The following CTDSPL variants were observed in gnomAD, a reference collection of about 807,000 sequenced individuals.
CTDSPL encodes CTD small phosphatase-like protein.
A neutral mutation model predicts 30.5 loss-of-function variants in CTDSPL; 8 were observed. That is an observed-to-expected ratio of 0.26 (90% CI 0.15 to 0.47). The LOEUF is 0.47. Ranked by LOEUF, CTDSPL falls within the 20% of genes least tolerant of loss-of-function variation. The pLI, the probability that CTDSPL is intolerant of heterozygous loss-of-function variation, is 0.99. For missense variants in CTDSPL, 248 were observed against 366.1 expected, an observed-to-expected ratio of 0.68 and a Z score of 2.63; for synonymous variants, 110 against 137.9, an observed-to-expected ratio of 0.80 and a Z score of 1.42.
At chr3:37,924,895 C>T (rs529548903) in intron 1 of CTDSPL, among the ~76,000 whole-genome samples, 95 of 152,124 alleles carry the variant, frequency 6.2e-4, no homozygotes, top group Non-Finnish European at 1.1e-3. Flanking sequence ...CTTCATACAC[C>T]ACCAGACAGG....
intron 1 of CTDSPL, among the ~76,000 whole-genome samples, chr3:37,945,586 G>A (rs891293542): frequency 1.3e-5 from 2 of 152,220 alleles, no homozygotes; most frequent in African/African-American, 2.4e-5. Flanking sequence ...GGTCCCAATG[G>A]CCTGGTCTGG....
intron 1 of CTDSPL, among the ~76,000 whole-genome samples, chr3:37,890,162 CAT>C (rs1328890301): frequency 6.6e-6 from 1 of 152,198 alleles, no homozygotes; most frequent in African/African-American, 2.4e-5. Flanking sequence ...GAAAATCACA[CAT>C]GTGCGGATGC....
In CTDSPL at chr3:37,980,825, G is replaced by T. The variant is rs116504860; in HGVS notation, c.789G>T (p.Glu263Asp). The stretch of plus-strand genomic sequence containing the variant: ...CCTTCTTTGAGGGCCTGAGCCGGGA[G>T]GACGACGTGTACAGCATGCTGCACA... The part of the protein sequence containing the change: ...LIPFFEGLSR[E>D]DDVYSMLHRL... The change falls in exon 8 of 8, where the codon GAG (glutamate) becomes GAT (aspartate). Residue 263 changes from glutamate to aspartate, a missense_variant. Glu to Asp is a conservative substitution (Grantham distance 45, BLOSUM62 2). Coordinates refer to ENST00000273179, the MANE Select transcript of CTDSPL (RefSeq NM_001008392.2). 1.9e-6 allele frequency: 3 copies of T among 1,614,180 alleles called. No homozygotes were observed. Among genetic ancestry groups the T allele is most frequent in the Non-Finnish European group, 2.5e-6 (3 of 1,180,034 alleles).
intron 2 of CTDSPL, among the ~76,000 whole-genome samples, chr3:37,954,102 A>G (rs1055601070): frequency 1.3e-5 from 2 of 152,234 alleles, no homozygotes; most frequent in Non-Finnish European, 2.9e-5. Context: ...TAAGGAAGAC[A>G]GCTTGGTATC....
At chr3:37,977,146 C>G (rs1699438056) in intron 7 of CTDSPL, among the ~76,000 whole-genome samples, 1 of 152,176 alleles carries the variant, frequency 6.6e-6, no homozygotes, top group Non-Finnish European at 1.5e-5. Flanking sequence ...TCAAATTCAA[C>G]ATAATATATT....
chr3:37,956,758 A>C (rs923339607), intron 2 of CTDSPL, among the ~76,000 whole-genome samples: 1 of 152,208 alleles, frequency 6.6e-6, no homozygotes, highest in Non-Finnish European at 1.5e-5. Flanking sequence ...TAAAAGAAAA[A>C]ACAAACAGTT....
chr3:37,971,511 TTCCCAGCCCCACAC>T lies in CTDSPL; in HGVS notation c.519+21_519+34del. On this transcript the variant is annotated intron_variant, in intron 6 of 7. Coordinates refer to ENST00000273179, the MANE Select transcript of CTDSPL (RefSeq NM_001008392.2). ...CCAGCTTGGCCAAGGTGAGTCCTGC[TTCCCAGCCCCACAC>T]TCCCAGCCTGGTACTCCCAGCCCCT... is the stretch of plus-strand genomic sequence containing the variant. 3 of 1,612,192 alleles carry T rather than the reference TTCCCAGCCCCACAC, an allele frequency of 1.9e-6. No homozygotes were observed. The highest frequency in any genetic ancestry group is 1.7e-6 in the Non-Finnish European group (2 of 1,178,624).
chr3:37,864,918 T>C (rs946201928), intron 1 of CTDSPL, among the ~76,000 whole-genome samples: 4 of 152,164 alleles, frequency 2.6e-5, no homozygotes, highest in African/African-American at 7.2e-5. Flanking sequence ...TAGTAATGAC[T>C]ACCTCTGGGG....
At chr3:37,890,974 A>T (rs1426312100) in intron 1 of CTDSPL, among the ~76,000 whole-genome samples, 1 of 152,208 alleles carries the variant, frequency 6.6e-6, no homozygotes, top group Non-Finnish European at 1.5e-5. Context: ...TATGGCATCA[A>T]ATGACAATTC....
At chr3:37,933,191 T>C in intron 1 of CTDSPL, among the ~76,000 whole-genome samples, 1 of 151,542 alleles carries the variant, frequency 6.6e-6, no homozygotes, top group Non-Finnish European at 1.5e-5. Context: ...TGTTCACTGA[T>C]GCTCAGTGCA....
chr3:37,975,438 C>T lies in CTDSPL; in HGVS notation c.520-271C>T, dbSNP rs1439756048. On this transcript the variant is annotated intron_variant, in intron 6 of 7. Transcript: ENST00000273179. The surrounding 1 kb of genome is among the most constrained non-coding windows in gnomAD (Gnocchi z 4.9). ...CATCCCAGGCCAGAGATTCGAGGCC[C>T]AGGCTAAGGGTGGTGGCAATATAAA... Among the ~76,000 whole-genome samples the T allele has an allele frequency of 6.6e-6, 1 of 152,146 alleles. No individual in the cohort carries two copies. The highest frequency in any genetic ancestry group is 2.4e-5 in the African/African-American group (1 of 41,416).
intron 1 of CTDSPL, among the ~76,000 whole-genome samples, chr3:37,933,234 TA>T (rs1426194329): frequency 6.6e-6 from 1 of 151,812 alleles, no homozygotes; most frequent in Non-Finnish European, 1.5e-5. Context: ...TAATGCATGA[TA>T]CAGAATTATT....
Position 37,881,144 on chromosome 3 carries a change from A to G in CTDSPL, c.79+18866A>G, listed in dbSNP as rs149370088. On this transcript the variant is annotated intron_variant, in intron 1 of 7. Transcript: ENST00000273179. ...ACCTGGTGCTCATTTTCTAGGAACT[A>G]TTAGAAATAAAAAGAGGCTAGTTCT... 8.5e-5 allele frequency among the ~76,000 whole-genome samples: 13 copies of G among 152,266 alleles called. No individual in the cohort carries two copies. In the East Asian group the frequency reaches 2.3e-3, roughly 27 times the overall value.
intron 1 of CTDSPL, among the ~76,000 whole-genome samples, chr3:37,889,726 C>A (rs1698303361): frequency 6.6e-6 from 1 of 152,008 alleles, no homozygotes. Context: ...ATCCCAAATG[C>A]CAGAAATAAT....
chr3:37,939,620 C>T (rs1353869843), intron 1 of CTDSPL, among the ~76,000 whole-genome samples: 1 of 150,210 alleles, frequency 6.7e-6, no homozygotes, highest in Non-Finnish European at 1.5e-5. Context: ...AATCCAAACT[C>T]ATCTCCATGG....
intron 1 of CTDSPL, among the ~76,000 whole-genome samples, chr3:37,920,320 G>T (rs1471259234): frequency 1.3e-5 from 2 of 152,234 alleles, no homozygotes; most frequent in Admixed American, 6.5e-5. Context: ...GCCCTGGTGT[G>T]CACCAGGTCT....
intron 1 of CTDSPL, among the ~76,000 whole-genome samples, chr3:37,924,580 T>C (rs1371027920): frequency 6.6e-6 from 1 of 152,154 alleles, no homozygotes; most frequent in East Asian, 1.9e-4. Flanking sequence ...CAAAAGTAAA[T>C]ATTTGGGGCC....
rs534318715 is a variant in CTDSPL, at chr3:37,894,776, T to C, written c.79+32498T>C. 5.3e-5 allele frequency among the ~76,000 whole-genome samples: 8 copies of C among 152,312 alleles called. No homozygotes were observed. In the East Asian group the frequency reaches 1.2e-3, roughly 22 times the overall value. On this transcript the variant is annotated intron_variant, in intron 1 of 7. Transcript: ENST00000273179. ...TCTTTTTTCCTTTCTGTTCTTCAGATTGGATAATTTCTATGAATCTATCTT... is the reference window on the plus strand; with the variant it reads ...TCTTTTTTCCTTTCTGTTCTTCAGACTGGATAATTTCTATGAATCTATCTT...
intron 4 of CTDSPL, among the ~76,000 whole-genome samples, chr3:37,966,499 A>G (rs1432183036): frequency 6.6e-6 from 1 of 151,568 alleles, no homozygotes; most frequent in African/African-American, 2.4e-5. Context: ...TTTTTAATAT[A>G]CTCCGTGGAA....
Sources: allele counts gnomAD v4.1 joint callset (sites outside exome capture counted in the v4.1 genomes callset), GRCh38; gene constraint gnomAD v4.1.1; non-coding constraint Gnocchi (gnomAD v3.1); transcripts MANE v1.5; gene names NCBI Gene and HGNC (gene_info 2026-07-23, HGNC 2026-07-21).